The following COL9A3 variants were observed in gnomAD, a reference collection of about 807,000 sequenced individuals.
COL9A3 encodes the protein collagen alpha-3(IX) chain.
Under a neutral mutation model 110.2 loss-of-function variants are expected in COL9A3, and 82 were observed. That is an observed-to-expected ratio of 0.74 (90% CI 0.62 to 0.89). COL9A3 has a LOEUF of 0.89. COL9A3 is among the 40% of genes least tolerant of loss of function. COL9A3 has a pLI of 0.00. For missense variants in COL9A3, 1,066 were observed against 981.3 expected, an observed-to-expected ratio of 1.09 and a Z score of -1.15; for synonymous variants, 494 against 403.8, an observed-to-expected ratio of 1.22 and a Z score of -2.68.
rs137979802 is a variant in COL9A3, at chr20:62,822,155, C to G, written c.468C>G (p.Pro156=). 3.2e-6 allele frequency: 5 copies of G among 1,573,730 alleles called. No individual in the cohort carries two copies. The highest frequency in any genetic ancestry group is 4.4e-6 in the Non-Finnish European group (5 of 1,143,934). ...GCCTCCCTGGTCCCCCAGGACCTCC[C>G]GGACCCCCTGTAAGTACTGGGCAGA... The part of the protein sequence containing the change: ...LPGLPGPPGP[P]GPPGHPGVLP... The change falls in exon 9 of 32, where the codon CCC becomes CCG. Residue 156 remains proline, a synonymous_variant. Transcript: ENST00000649368.
At chr20:62,818,649 C>G (rs1177479827) in intron 3 of COL9A3, 96 bp downstream of exon 3, 1 of 1,351,734 alleles carries the variant, frequency 7.4e-7, no homozygotes, top group African/African-American at 1.4e-5. Context: ...TCTCATCCTG[C>G]CGGAGCCCGG....
rs1259039999 is a variant in COL9A3 at position 62,832,280 on chromosome 20, G to T, written c.1323+91G>T. On this transcript the variant is annotated intron_variant, in intron 25 of 31. Transcript: ENST00000649368. ...TCCTGTCCCGGCTCTGGCCCTGGCT[G>T]TGTTTTCGGGACACTGAGCCTCCTT... 11 of 1,325,744 alleles carry T rather than the reference G, an allele frequency of 8.3e-6. No homozygotes were observed. In the East Asian group the frequency reaches 2.3e-4, roughly 28 times the overall value. The allele number at this position is 1,325,744 out of a possible 1,614,324, so 82.1% of individuals were successfully genotyped here. A position where few individuals can be genotyped will look rare whatever the true frequency, so the allele number is the denominator to read the frequency against.
Position 62,840,832 on chromosome 20 carries a change from GCGCCCCTGGCTGCCCCTCGGC to G in COL9A3, c.*105_*125del. On this transcript the variant is annotated 3_prime_UTR_variant, in exon 32 of 32. Coordinates refer to ENST00000649368, the MANE Select transcript of COL9A3 (RefSeq NM_001853.4). Reference sequence around the variant, plus strand: ...AGGCGGGTGACGTCCAGGAGAGGGAGCGCCCCTGGCTGCCCCTCGGCCGCCGACTGGACGCGCGGGCCTTGC... The same window carrying G: ...AGGCGGGTGACGTCCAGGAGAGGGAGCGCCGACTGGACGCGCGGGCCTTGC... 1 of 1,406,804 alleles carries G rather than the reference GCGCCCCTGGCTGCCCCTCGGC, an allele frequency of 7.1e-7. No individual in the cohort carries two copies. The highest frequency in any genetic ancestry group is 9.8e-7 in the Non-Finnish European group (1 of 1,018,526). 87.1% of individuals were successfully genotyped at this position (1,406,804 alleles called of 1,614,324 possible).
chr20:62,832,888 G>A, intron 25 of COL9A3, 132 bp from the exon 26 acceptor site: 1 of 817,578 alleles, frequency 1.2e-6, no homozygotes, highest in Non-Finnish European at 2.0e-6. Context: ...GGCAGCCCTG[G>A]GGCCTGGGCT....
At chr20:62,837,296 C>T in intron 30 of COL9A3, 31 bp downstream of exon 30, 1 of 1,600,188 alleles carries the variant, frequency 6.2e-7, no homozygotes, top group Non-Finnish European at 8.5e-7. Flanking sequence ...CACGGTCACC[C>T]TGCTGTAAAA....
chr20:62,823,612 C>A (rs918729362), intron 10 of COL9A3, among the ~76,000 whole-genome samples: 5 of 152,190 alleles, frequency 3.3e-5, no homozygotes, highest in Admixed American at 2.6e-4. Flanking sequence ...GGCCCCCGAT[C>A]GTGGGCTGAG....
chr20:62,827,900 T>C, intron 16 of COL9A3, 23 bp from the exon 17 acceptor site: 1 of 1,612,586 alleles, frequency 6.2e-7, no homozygotes, highest in Non-Finnish European at 8.5e-7. Flanking sequence ...TGCCACTGCT[T>C]CTGTCACTTG....
chr20:62,840,303 A>C (rs1437921791), intron 31 of COL9A3, among the ~76,000 whole-genome samples: 1 of 151,668 alleles, frequency 6.6e-6, no homozygotes, highest in Non-Finnish European at 1.5e-5. Flanking sequence ...GGGTGTCCTC[A>C]GGACGGCTCT....
intron 2 of COL9A3, among the ~76,000 whole-genome samples, chr20:62,818,300 C>T (rs1049568114): frequency 6.6e-6 from 1 of 152,212 alleles, no homozygotes; most frequent in Admixed American, 6.5e-5. Flanking sequence ...ATGGCCACAG[C>T]CTCCTTCCAG....
intron 29 of COL9A3, 141 bp downstream of exon 29, chr20:62,836,673 G>T: frequency 1.1e-6 from 1 of 903,170 alleles, no homozygotes; most frequent in Non-Finnish European, 1.7e-6. Flanking sequence ...GTTAGCCCTT[G>T]GGGGTCCACG....
Position 62,826,243 on chromosome 20 carries a change from C to T in COL9A3, c.724C>T (p.Pro242Ser). The change falls in exon 14 of 32, where the codon CCC (proline) becomes TCC (serine). Residue 242 changes from proline (P) to serine (S), a missense_variant. Physicochemically the swap from Pro to Ser is moderately conservative, Grantham distance 74. Transcript: ENST00000649368. ...ACGAGGACTGCCAGGGCCACTCGGGCCCCCTGGGGACCGGGTAAGTCCTGC... is the reference window on the plus strand; with the variant it reads ...ACGAGGACTGCCAGGGCCACTCGGGTCCCCTGGGGACCGGGTAAGTCCTGC... ...GLRGLPGPLG[P>S]PGDRGPIGFR... 1.3e-6 allele frequency: 2 copies of T among 1,554,896 alleles called. No homozygotes were observed. The highest frequency in any genetic ancestry group is 1.2e-5 in the South Asian group (1 of 84,512).
rs1600797946 is a variant in COL9A3 at position 62,826,338 on chromosome 20, C to G, written c.738+81C>G. ...TGCACCTCCAGACTTCAGATGGGCCCCGTGAGTGACACTCTGAAGCAGCCG... is the reference window on the plus strand; with the variant it reads ...TGCACCTCCAGACTTCAGATGGGCCGCGTGAGTGACACTCTGAAGCAGCCG... On this transcript the variant is annotated intron_variant, in intron 14 of 31. Coordinates refer to ENST00000649368, the MANE Select transcript of COL9A3 (RefSeq NM_001853.4). 4.6e-6 allele frequency: 6 copies of G among 1,299,972 alleles called. No homozygotes were observed. The East Asian group carries it at 1.5e-4, about 33-fold the overall frequency. The allele number at this position is 1,299,972 out of a possible 1,614,324, so 80.5% of individuals were successfully genotyped here.
At chr20:62,818,266 GC>G (rs1178204349) in intron 2 of COL9A3, among the ~76,000 whole-genome samples, 1 of 152,162 alleles carries the variant, frequency 6.6e-6, no homozygotes, top group African/African-American at 2.4e-5. Flanking sequence ...CCCACCCTCT[GC>G]CCCCCTGCCC....
chr20:62,817,571 T>C lies in COL9A3; in HGVS notation c.83T>C (p.Val28Ala), dbSNP rs1600785279. ...ELLAAAGAQR[V>A]GLPGPPGPPG... The stretch of plus-strand genomic sequence containing the variant: ...AATGAGTTTTCTCCGTTTCAGAGAG[T>C]GGGACTCCCCGGCCCCCCCGGCCCC... The change falls in exon 2 of 32, where the codon GTG (valine) becomes GCG (alanine). Residue 28 changes from valine to alanine, a missense_variant. Val to Ala is a moderately conservative substitution (Grantham distance 64). Transcript: ENST00000649368. 1 of 1,543,684 alleles carries C rather than the reference T, an allele frequency of 6.5e-7. No individual in the cohort carries two copies.
rs372387045 is a variant in COL9A3, at chr20:62,827,252, C to T, written c.804C>T (p.Gly268=). ...CTCATCCTTTCCAGGGTGACCGAGG[C>T]GAGAGGGGCCCAGAAGGGTTCCGCG... The part of the protein sequence containing the change: ...PGAPGKAGDR[G]ERGPEGFRGP... Residue 268 remains glycine, a synonymous_variant, in exon 16 of 32, where the codon GGC becomes GGT. Transcript: ENST00000649368. 1.3e-5 allele frequency: 21 copies of T among 1,613,122 alleles called. No homozygotes were observed. The highest frequency in any genetic ancestry group is 5.3e-5 in the African/African-American group (4 of 74,906).
intron 2 of COL9A3, 156 bp downstream of exon 2, chr20:62,817,791 G>T (rs1990983339): frequency 6.1e-6 from 4 of 654,400 alleles, no homozygotes; most frequent in African/African-American, 3.6e-5. Context: ...CGGGATGGGG[G>T]TGGCCCTGCG....
Position 62,824,685 on chromosome 20 carries a change from G to T in COL9A3, c.576+184G>T, listed in dbSNP as rs537370178. On this transcript the variant is annotated intron_variant, in intron 11 of 31. Transcript: ENST00000649368. ...AGCACCCCAGTGACACGCTGATGTGGCCAGGCTGGGACTGGCCATAGGCGT... is the reference window on the plus strand; with the variant it reads ...AGCACCCCAGTGACACGCTGATGTGTCCAGGCTGGGACTGGCCATAGGCGT... 1.4e-4 allele frequency among the ~76,000 whole-genome samples: 21 copies of T among 152,326 alleles called. No individual in the cohort carries two copies. The East Asian group carries it at 2.1e-3, about 15-fold the overall frequency.
At chr20:62,831,106 G>A (rs79783523) in intron 24 of COL9A3, 2,853 of 152,414 alleles carry the variant, frequency 0.019, 62 homozygotes, top group East Asian at 0.1. Flanking sequence ...GGGTGTCTGC[G>A]GAGGCGCGGT....
chr20:62,830,230 C>T (rs2063584804), intron 22 of COL9A3, 130 bp from the exon 23 acceptor site: 3 of 1,107,556 alleles, frequency 2.7e-6, no homozygotes, highest in Non-Finnish European at 4.0e-6. Flanking sequence ...CCCAGCAACC[C>T]AGCCAGGTGG....
Sources: allele counts gnomAD v4.1 joint callset (sites outside exome capture counted in the v4.1 genomes callset), GRCh38; gene constraint gnomAD v4.1.1; transcripts MANE v1.5; gene names NCBI Gene and HGNC (gene_info 2026-07-23, HGNC 2026-07-21).